EPHA4: variants seen among roughly 807,000 people sequenced by gnomAD.
EPHA4 encodes the protein ephrin type-A receptor 4.
EPHA4 carries 19 observed loss-of-function variants against 108.3 expected under a neutral mutation model. The observed-to-expected ratio is 0.18, with a 90% CI of 0.12 to 0.26. The LOEUF is 0.26. Among genes scored for constraint, EPHA4 ranks in the 10% least tolerant of loss-of-function variants. EPHA4 has a pLI of 1.00. For missense variants in EPHA4, 917 were observed against 1,254.0 expected (o/e 0.73, Z 4.06); for synonymous variants, 449 against 455.5 (o/e 0.99, Z 0.18).
At chr2:221,534,967 T>A (rs1693622941) in intron 3 of EPHA4, among the ~76,000 whole-genome samples, 1 of 152,256 alleles carries the variant, frequency 6.6e-6, no homozygotes. Context: ...TCTAGCTGTC[T>A]GGGATTAACT....
intron 5 of EPHA4, among the ~76,000 whole-genome samples, chr2:221,458,262 C>T (rs1288560919): frequency 2.0e-5 from 3 of 152,138 alleles, no homozygotes; most frequent in Non-Finnish European, 2.9e-5. Context: ...CACGTAGAGA[C>T]ATTTCTCATA....
intron 8 of EPHA4, among the ~76,000 whole-genome samples, chr2:221,451,313 G>A (rs990070290): frequency 2.0e-5 from 3 of 152,110 alleles, no homozygotes; most frequent in African/African-American, 7.2e-5. Context: ...ATAACCTGAT[G>A]AAATCATTAC....
chr2:221,481,720 T>C (rs754796268), intron 5 of EPHA4, among the ~76,000 whole-genome samples: 3 of 152,206 alleles, frequency 2.0e-5, no homozygotes, highest in Non-Finnish European at 4.4e-5. Flanking sequence ...TCGTTAACTA[T>C]AGACACAAAG....
intron 8 of EPHA4, among the ~76,000 whole-genome samples, chr2:221,452,005 C>G (rs1436955809): frequency 6.6e-6 from 1 of 152,160 alleles, no homozygotes; most frequent in Admixed American, 6.5e-5. Context: ...TAAAAAAAAT[C>G]TAGCAAGATA....
chr2:221,437,258 T>C, intron 11 of EPHA4, 136 bp from the exon 12 acceptor site: 1 of 608,518 alleles, frequency 1.6e-6, no homozygotes, highest in Non-Finnish European at 2.9e-6. Flanking sequence ...GCCAAGCTTA[T>C]GCCTCAGCTG....
At chr2:221,518,062 C>T (rs919545819) in intron 3 of EPHA4, among the ~76,000 whole-genome samples, 1 of 152,340 alleles carries the variant, frequency 6.6e-6, no homozygotes, top group African/African-American at 2.4e-5. Context: ...TGTTTTACAA[C>T]TGAGGTCTTT....
At chr2:221,522,754 TATTATTA>T (rs1693202749) in intron 3 of EPHA4, among the ~76,000 whole-genome samples, 6 of 32,320 alleles carry the variant, frequency 1.9e-4, no homozygotes, top group South Asian at 1.3e-3. Flanking sequence ...TTATTATTAT[TATTATTA>T]TTATTATTAT....
intron 2 of EPHA4, among the ~76,000 whole-genome samples, chr2:221,568,144 CTT>C (rs1043905024): frequency 6.6e-6 from 1 of 152,188 alleles, no homozygotes; most frequent in Non-Finnish European, 1.5e-5. Context: ...GACACATAAA[CTT>C]TTCATATTTA....
At chr2:221,448,049 C>T (rs935527720) in intron 8 of EPHA4, among the ~76,000 whole-genome samples, 4 of 152,010 alleles carry the variant, frequency 2.6e-5, no homozygotes, top group Non-Finnish European at 4.4e-5. Flanking sequence ...ACCATGTTGG[C>T]CAAGCTGGTC....
intron 3 of EPHA4, among the ~76,000 whole-genome samples, chr2:221,547,523 CTT>C (rs1468621294): frequency 6.6e-6 from 1 of 152,188 alleles, no homozygotes; most frequent in Non-Finnish European, 1.5e-5. Context: ...GTAATATACT[CTT>C]TGACAAGGTC....
At chr2:221,439,874 T>C (rs1481067962) in intron 11 of EPHA4, among the ~76,000 whole-genome samples, 1 of 152,134 alleles carries the variant, frequency 6.6e-6, no homozygotes, top group Non-Finnish European at 1.5e-5. Flanking sequence ...CCTGCCAATT[T>C]AAAAAGTTAC....
chr2:221,468,195 T>C (rs974322370), intron 5 of EPHA4, among the ~76,000 whole-genome samples: 1 of 151,076 alleles, frequency 6.6e-6, no homozygotes, highest in African/African-American at 2.4e-5. Context: ...CTCCATGACC[T>C]ACAATGCCCT....
intron 4 of EPHA4, among the ~76,000 whole-genome samples, chr2:221,496,305 GGCTATTGAGCACTCAAAATGT>G (rs541546972): frequency 1.2e-3 from 181 of 152,148 alleles, no homozygotes; most frequent in African/African-American, 3.9e-3. Flanking sequence ...AGCCATATAT[GGCTATTGAGCACTCAAAATGT>G]GCCAAGTTTA....
At chr2:221,500,758 T>G (rs1463203239) in intron 4 of EPHA4, among the ~76,000 whole-genome samples, 1 of 152,128 alleles carries the variant, frequency 6.6e-6, no homozygotes. Flanking sequence ...CTAATTACAC[T>G]GTCAGACAAC....
At chr2:221,426,215 C>CA (rs1689904490) in intron 16 of EPHA4, 73 bp from the exon 17 acceptor site, 1 of 1,351,878 alleles carries the variant, frequency 7.4e-7, no homozygotes, top group Non-Finnish European at 1.1e-6. Flanking sequence ...GGGCTTCATG[C>CA]AGACACACGT....
intron 3 of EPHA4, among the ~76,000 whole-genome samples, chr2:221,520,217 G>A (rs1693118072): frequency 6.6e-6 from 1 of 151,954 alleles, no homozygotes; most frequent in East Asian, 1.9e-4. Context: ...CAAACATCCT[G>A]CACTTCAATC....
intron 5 of EPHA4, among the ~76,000 whole-genome samples, chr2:221,465,907 A>G (rs1691295280): frequency 6.6e-6 from 1 of 152,234 alleles, no homozygotes; most frequent in Non-Finnish European, 1.5e-5. Flanking sequence ...GCATATCACA[A>G]CTAACTCAGA....
In EPHA4 at chr2:221,442,684, C is replaced by G. The variant is rs1574566336; in HGVS notation, c.2074+145G>C. 5.1e-6 allele frequency: 4 copies of G among 790,130 alleles called. No individual in the cohort carries two copies. In the East Asian group the frequency reaches 1.1e-4, roughly 21 times the overall value. The allele number at this position is 790,130 out of a possible 1,614,324, so 48.9% of individuals were successfully genotyped here. On this transcript the variant is annotated intron_variant, in intron 11 of 17. Coordinates refer to ENST00000281821, the MANE Select transcript of EPHA4 (RefSeq NM_004438.5). Reference sequence around the variant, plus strand: ...CCAAAGACCCATTTAGAGCTGACTACAAGATTAATGACTTGTCCTGCACTG... The same window carrying G: ...CCAAAGACCCATTTAGAGCTGACTAGAAGATTAATGACTTGTCCTGCACTG...
At chr2:221,510,757 C>T (rs1021094289) in intron 3 of EPHA4, among the ~76,000 whole-genome samples, 5 of 152,144 alleles carry the variant, frequency 3.3e-5, no homozygotes, top group Non-Finnish European at 7.4e-5. Flanking sequence ...TTATTATTTT[C>T]CCTTCTTGCC....
Sources: gnomAD v4.1 joint callset for allele counts (sites outside exome capture counted in the v4.1 genomes callset) on GRCh38, gnomAD v4.1.1 for gene constraint, MANE v1.5 for transcripts, NCBI Gene and HGNC (gene_info 2026-07-23, HGNC 2026-07-21) for gene names.